SCAPER: variants seen among roughly 807,000 people sequenced by gnomAD.
SCAPER encodes the protein S phase cyclin A-associated protein in the endoplasmic reticulum.
SCAPER carries 98 observed loss-of-function variants against 182.2 expected under a neutral mutation model. The ratio of observed to expected loss-of-function variants is 0.54; its 90% CI spans 0.46 to 0.64. The LOEUF (loss-of-function observed/expected upper bound fraction) is 0.64, where lower values mean the gene tolerates loss of function less well. Ranked by LOEUF, SCAPER falls within the 30% of genes least tolerant of loss-of-function variation. SCAPER has a pLI of 0.00. For synonymous variants in SCAPER, 605 were observed against 564.6 expected (o/e 1.07, Z -1.01); for missense variants, 1,432 against 1,690.0 (o/e 0.85, Z 2.68).
intron 23 of SCAPER, among the ~76,000 whole-genome samples, chr15:76,524,717 T>A (rs897369890): frequency 2.0e-4 from 20 of 101,884 alleles, no homozygotes; most frequent in South Asian, 3.9e-4. Flanking sequence ...TTTTTTTTTT[T>A]ACCATTCATG....
At chr15:76,818,626 T>C (rs565483086) in intron 5 of SCAPER, among the ~76,000 whole-genome samples, 6 of 152,300 alleles carry the variant, frequency 3.9e-5, no homozygotes, top group African/African-American at 1.4e-4. Flanking sequence ...GATGGCCAAA[T>C]AGGAACAGCT....
chr15:76,860,168 A>C (rs1288367272), intron 3 of SCAPER, among the ~76,000 whole-genome samples: 2 of 152,212 alleles, frequency 1.3e-5, no homozygotes, highest in Non-Finnish European at 2.9e-5. Context: ...AAACAACTTT[A>C]ATAGAAACAC....
intron 15 of SCAPER, among the ~76,000 whole-genome samples, chr15:76,745,246 C>A (rs1269642610): frequency 6.6e-6 from 1 of 152,002 alleles, no homozygotes; most frequent in African/African-American, 2.4e-5. Context: ...TCAAGACCAG[C>A]CTGGCCAAAA....
At chr15:76,581,142 T>C (rs900010241) in intron 22 of SCAPER, among the ~76,000 whole-genome samples, 3 of 152,090 alleles carry the variant, frequency 2.0e-5, no homozygotes, top group African/African-American at 7.2e-5. Context: ...ACTAATGAGA[T>C]TGAAGCCATA....
intron 25 of SCAPER, among the ~76,000 whole-genome samples, chr15:76,442,751 T>C (rs1194869800): frequency 6.6e-6 from 1 of 152,176 alleles, no homozygotes; most frequent in African/African-American, 2.4e-5. Flanking sequence ...CAGCAAATAA[T>C]GTAGCAGCTT....
intron 24 of SCAPER, among the ~76,000 whole-genome samples, chr15:76,497,989 C>CAAAAAAAAAAAAAAAAAA (rs747096625): frequency 3.4e-5 from 2 of 58,328 alleles, no homozygotes; most frequent in African/African-American, 1.3e-4. Flanking sequence ...GACTCCGTCT[C>CAAAAAAAAAAAAAAAAAA]AAAAAAAAAA....
intron 20 of SCAPER, among the ~76,000 whole-genome samples, chr15:76,673,408 A>G (rs1233057589): frequency 1.3e-5 from 2 of 152,242 alleles, no homozygotes; most frequent in East Asian, 3.9e-4. Context: ...AAACATATGA[A>G]AAGAAATTTA....
intron 23 of SCAPER, among the ~76,000 whole-genome samples, chr15:76,523,200 T>C (rs754274413): frequency 5.3e-5 from 8 of 152,068 alleles, no homozygotes; most frequent in Non-Finnish European, 1.2e-4. Context: ...TTTTACCTTA[T>C]AAAGGGGTTC....
intron 22 of SCAPER, among the ~76,000 whole-genome samples, chr15:76,591,232 T>A (rs1348165988): frequency 6.8e-6 from 1 of 148,018 alleles, no homozygotes; most frequent in Non-Finnish European, 1.5e-5. Context: ...TTCAAATGTA[T>A]TAACAATTTC....
intron 2 of SCAPER, among the ~76,000 whole-genome samples, chr15:76,869,214 T>G (rs145272119): frequency 2.0e-5 from 3 of 152,284 alleles, no homozygotes; most frequent in African/African-American, 7.2e-5. Flanking sequence ...GGTAAAGAAT[T>G]TTTGTGTAAG....
At chr15:76,365,969 C>T (rs945217001) in intron 29 of SCAPER, among the ~76,000 whole-genome samples, 3 of 151,998 alleles carry the variant, frequency 2.0e-5, no homozygotes, top group Non-Finnish European at 2.9e-5. Flanking sequence ...ATATTTTTTT[C>T]TTACAAAGGA....
At chr15:76,768,477 C>G (rs1347202992) in intron 10 of SCAPER, among the ~76,000 whole-genome samples, 35 of 152,052 alleles carry the variant, frequency 2.3e-4, no homozygotes, top group Admixed American at 2.3e-3. Context: ...TATGAAATGT[C>G]TAAAATAGGC....
At chr15:76,806,470 G>T (rs2066168617) in intron 5 of SCAPER, among the ~76,000 whole-genome samples, 1 of 152,144 alleles carries the variant, frequency 6.6e-6, no homozygotes, top group Admixed American at 6.5e-5. Context: ...AATTCAGGGG[G>T]TCTAGGTCCT....
At chr15:76,590,790 T>C (rs1007725172) in intron 22 of SCAPER, among the ~76,000 whole-genome samples, 1 of 152,228 alleles carries the variant, frequency 6.6e-6, no homozygotes, top group Non-Finnish European at 1.5e-5. Context: ...TCAACCTAAG[T>C]GTCCATCAAC....
intron 21 of SCAPER, among the ~76,000 whole-genome samples, chr15:76,637,942 G>A (rs917841583): frequency 1.3e-5 from 2 of 151,814 alleles, no homozygotes; most frequent in African/African-American, 4.8e-5. Context: ...TTGGAGAAAT[G>A]TCTATTCCCT....
chr15:76,628,219 A>G (rs961368712), intron 21 of SCAPER, among the ~76,000 whole-genome samples: 1 of 152,130 alleles, frequency 6.6e-6, no homozygotes, highest in Non-Finnish European at 1.5e-5. Context: ...ATTTTCTCCC[A>G]TTCTGTAGGT....
chr15:76,778,849 A>T (rs1036827962), intron 8 of SCAPER, among the ~76,000 whole-genome samples: 3 of 152,080 alleles, frequency 2.0e-5, no homozygotes, highest in African/African-American at 7.2e-5. Flanking sequence ...ACTATATGTT[A>T]TCTAAAAGCA....
chr15:76,666,286 T>G (rs2056572615), intron 20 of SCAPER, among the ~76,000 whole-genome samples: 2 of 152,022 alleles, frequency 1.3e-5, no homozygotes, highest in South Asian at 4.1e-4. Flanking sequence ...GTGAGTAGGG[T>G]GAGGCTGCAG....
intron 10 of SCAPER, among the ~76,000 whole-genome samples, chr15:76,767,590 C>T (rs532575064): frequency 2.6e-5 from 4 of 151,934 alleles, no homozygotes; most frequent in African/African-American, 9.7e-5. Flanking sequence ...TTAATAAATC[C>T]TCATGAGAAG....
Sources: allele counts gnomAD v4.1 joint callset (sites outside exome capture counted in the v4.1 genomes callset), GRCh38; gene constraint gnomAD v4.1.1; transcripts MANE v1.5; gene names NCBI Gene and HGNC (gene_info 2026-07-23, HGNC 2026-07-21).